The following MCF2L variants were observed in gnomAD, a reference collection of about 807,000 sequenced individuals.
The protein encoded by MCF2L is guanine nucleotide exchange factor DBS.
MCF2L carries 97 observed loss-of-function variants against 153.4 expected under a neutral mutation model. That is an observed-to-expected ratio of 0.63 (90% CI 0.54 to 0.75). The LOEUF (loss-of-function observed/expected upper bound fraction) is 0.75, where lower values mean the gene tolerates loss of function less well. Among genes scored for constraint, MCF2L ranks in the 30% least tolerant of loss-of-function variants. The pLI is 0.00. For missense variants in MCF2L, 1,347 were observed against 1,495.2 expected, an observed-to-expected ratio of 0.90 and a Z score of 1.64; for synonymous variants, 659 against 632.2, an observed-to-expected ratio of 1.04 and a Z score of -0.64.
rs497724 is a variant in MCF2L at position 113,081,419 on chromosome 13, G to A, written c.1875+140G>A. On this transcript the variant is annotated intron_variant, in intron 16 of 29. Transcript: ENST00000535094. Reference sequence around the variant, plus strand: ...AGAGAGCGCCCACAGCAGCCTGGTCGGGCCCCAGACGGGGAGCCCCTGGGG... The same window carrying A: ...AGAGAGCGCCCACAGCAGCCTGGTCAGGCCCCAGACGGGGAGCCCCTGGGG... 460,699 of 824,226 alleles carry A rather than the reference G, an allele frequency of 0.56. 132,699 individuals are homozygous for A. The highest frequency in any genetic ancestry group is 0.6 in the Non-Finnish European group (320,242 of 537,796). The allele number at this position is 824,226 out of a possible 1,614,324, so 51.1% of individuals were successfully genotyped here.
chr13:113,003,041 TG>T (rs2083469101), intron 1 of MCF2L, among the ~76,000 whole-genome samples: 1 of 148,210 alleles, frequency 6.7e-6, no homozygotes, highest in Non-Finnish European at 1.5e-5. Context: ...CTGGGTGTGG[TG>T]GCGTGTGCCT....
chr13:113,070,216 C>T lies in MCF2L; in HGVS notation c.996+43C>T, dbSNP rs770494793. 10 of 1,368,486 alleles carry T rather than the reference C, an allele frequency of 7.3e-6. No individual in the cohort carries two copies. The highest frequency in any genetic ancestry group is 2.6e-5 in the East Asian group (1 of 38,376). 84.8% of individuals were successfully genotyped at this position (1,368,486 alleles called of 1,614,324 possible). A position where few individuals can be genotyped will look rare whatever the true frequency, so the allele number is the denominator to read the frequency against. Reference sequence around the variant, plus strand: ...GAGCCGGCAGCCGCCCTGATGCTCACGGGGCCTCCTGTGCCTGCGCCCTGG... The same window carrying T: ...GAGCCGGCAGCCGCCCTGATGCTCATGGGGCCTCCTGTGCCTGCGCCCTGG... On this transcript the variant is annotated intron_variant, in intron 9 of 29. Transcript: ENST00000535094. The surrounding 1 kb of genome is among the most constrained non-coding windows in gnomAD (Gnocchi z 5.6).
intron 2 of MCF2L, among the ~76,000 whole-genome samples, chr13:112,959,912 T>C (rs1158663440): frequency 7.9e-5 from 12 of 152,212 alleles, no homozygotes; most frequent in Non-Finnish European, 1.8e-4. Flanking sequence ...TCATGGGAGA[T>C]GCACAGTGGA....
chr13:112,987,883 C>G (rs1469908154), intron 1 of MCF2L, among the ~76,000 whole-genome samples: 3 of 152,264 alleles, frequency 2.0e-5, no homozygotes, highest in Admixed American at 6.5e-5. Flanking sequence ...AGAACTGACC[C>G]TGCCCAGCCC....
chr13:112,928,819 T>C (rs1049805957), intron 2 of MCF2L, among the ~76,000 whole-genome samples: 2 of 152,228 alleles, frequency 1.3e-5, no homozygotes, highest in Non-Finnish European at 2.9e-5. Context: ...ATGTGCGTGC[T>C]CCTCAGACCC....
At position 112,951,622 on chromosome 13, in the gene MCF2L, T is replaced by C. The variant is rs73574904; in HGVS notation, c.169+49251T>C. Among the ~76,000 whole-genome samples the C allele has an allele frequency of 0.034, 5,103 of 152,190 alleles. 294 individuals are homozygous for C. Among genetic ancestry groups the C allele is most frequent in the African/African-American group, 0.12 (4,816 of 41,502 alleles). ...TAACATTCTTGAAATGGCAAAAGTGTAGCTGTGGAGAATAGTTCAGTGGTT... is the reference window on the plus strand; with the variant it reads ...TAACATTCTTGAAATGGCAAAAGTGCAGCTGTGGAGAATAGTTCAGTGGTT... On this transcript the variant is annotated intron_variant, in intron 2 of 29. Coordinates refer to the MCF2L transcript ENST00000375608. This position sits in a 1 kb window ranked among gnomAD's most constrained non-coding sequence, Gnocchi z 4.8.
At chr13:113,003,806 T>G (rs1386479087) in intron 1 of MCF2L, among the ~76,000 whole-genome samples, 1 of 152,194 alleles carries the variant, frequency 6.6e-6, no homozygotes, top group Non-Finnish European at 1.5e-5. Context: ...TCCTCACTCC[T>G]GCAGAGGCCT....
At chr13:112,937,210 C>A (rs576232712) in intron 2 of MCF2L, among the ~76,000 whole-genome samples, 1 of 152,084 alleles carries the variant, frequency 6.6e-6, no homozygotes, top group African/African-American at 2.4e-5. Context: ...CCTGCCACCA[C>A]GCCCAGCTAA....
chr13:113,088,497 G>T, intron 24 of MCF2L, 65 bp from the exon 25 acceptor site: 1 of 1,604,886 alleles, frequency 6.2e-7, no homozygotes, highest in Admixed American at 1.7e-5. Context: ...CCCCCCATGC[G>T]CAAGGTGCCT....
chr13:112,896,575 C>T (rs543727355), intron 1 of MCF2L, among the ~76,000 whole-genome samples: 4 of 152,082 alleles, frequency 2.6e-5, no homozygotes, highest in East Asian at 1.9e-4. Context: ...GGAACGCCAC[C>T]GGTTGGCAGC....
upstream of MCF2L, chr13:112,968,004 CAT>C (rs772329334): frequency 1.3e-3 from 252 of 196,194 alleles, no homozygotes; most frequent in East Asian, 2.7e-3. Flanking sequence ...CGCATGTGCA[CAT>C]GTTATTGGCA....
chr13:113,092,425 T>C (rs528263468), intron 26 of MCF2L, among the ~76,000 whole-genome samples: 4 of 143,242 alleles, frequency 2.8e-5, no homozygotes, highest in Admixed American at 6.8e-5. Context: ...GCCAGTGTGG[T>C]GTCGAAGCCG....
chr13:113,031,205 CAGAG>C lies in MCF2L; in HGVS notation c.278+6449_278+6452del, dbSNP rs897245937. On this transcript the variant is annotated intron_variant, in intron 3 of 29. Transcript: ENST00000535094. This position sits in a 1 kb window ranked among gnomAD's most constrained non-coding sequence, Gnocchi z 5.5. ...ACAGAGACAGAGAGACAGAGACAGA[CAGAG>C]ACAGAGACAGAGAGAGACAGAGAGA... Among the ~76,000 whole-genome samples, 3 of 140,688 alleles carry C rather than the reference CAGAG, an allele frequency of 2.1e-5. No homozygotes were observed. Among genetic ancestry groups the C allele is most frequent in the African/African-American group, 7.9e-5 (3 of 38,096 alleles). 92.3% of individuals were successfully genotyped at this position (140,688 alleles called of 152,430 possible).
At chr13:112,916,374 G>A (rs1169275156) in intron 2 of MCF2L, among the ~76,000 whole-genome samples, 1 of 152,096 alleles carries the variant, frequency 6.6e-6, no homozygotes, top group African/African-American at 2.4e-5. Flanking sequence ...TTGTGCTTTT[G>A]CCTCTACTTC....
chr13:113,069,995 C>G, intron 8 of MCF2L, 64 bp from the exon 9 acceptor site: 5 of 1,174,064 alleles, frequency 4.3e-6, no homozygotes, highest in Non-Finnish European at 6.2e-6. Flanking sequence ...TGAACACCCA[C>G]CGCGCTCCAC....
At chr13:112,954,641 A>C (rs1346152062) in intron 2 of MCF2L, among the ~76,000 whole-genome samples, 2 of 152,008 alleles carry the variant, frequency 1.3e-5, no homozygotes, top group East Asian at 3.9e-4. Flanking sequence ...CCGAGGGGGC[A>C]TGGGTGGGCT....
At chr13:113,060,802 T>G in intron 5 of MCF2L, 90 bp downstream of exon 5, 1 of 1,550,360 alleles carries the variant, frequency 6.5e-7, no homozygotes, top group Non-Finnish European at 8.7e-7. Context: ...CTCGAGGAGC[T>G]GACTTCAGGG....
At chr13:112,962,658 G>T (rs1031619494) in intron 2 of MCF2L, among the ~76,000 whole-genome samples, 7 of 152,172 alleles carry the variant, frequency 4.6e-5, no homozygotes, top group African/African-American at 1.7e-4. Flanking sequence ...CCTAACTCCG[G>T]AGCAAAACCC....
At chr13:113,021,410 G>T (rs928310912) in intron 2 of MCF2L, among the ~76,000 whole-genome samples, 1 of 152,192 alleles carries the variant, frequency 6.6e-6, no homozygotes, top group Non-Finnish European at 1.5e-5. Flanking sequence ...CCTAGCGAGT[G>T]GATGTAGGCC....
Sources: allele counts gnomAD v4.1 joint callset (sites outside exome capture counted in the v4.1 genomes callset), GRCh38; gene constraint gnomAD v4.1.1; non-coding constraint Gnocchi (gnomAD v3.1); transcripts MANE v1.5; gene names NCBI Gene and HGNC (gene_info 2026-07-23, HGNC 2026-07-21).